Variants in GALNT18 observed in about 807,000 individuals in gnomAD.
GALNT18 encodes the protein polypeptide N-acetylgalactosaminyltransferase 18, also known as GalNAc-transferase 18.
In GALNT18, 44 loss-of-function variants were observed where a neutral mutation model predicts 69.5. The ratio of observed to expected loss-of-function variants is 0.63; its 90% confidence interval spans 0.50 to 0.81. GALNT18 has a LOEUF of 0.81. Among genes scored for constraint, GALNT18 ranks in the 40% least tolerant of loss-of-function variants. The pLI is 0.00. For synonymous variants in GALNT18, 364 were observed against 318.2 expected (o/e 1.14, Z -1.53); for missense variants, 715 against 810.0 (o/e 0.88, Z 1.42).
At chr11:11,495,061 C>T (rs1358568076) in intron 1 of GALNT18, among the ~76,000 whole-genome samples, 1 of 151,670 alleles carries the variant, frequency 6.6e-6, no homozygotes, top group East Asian at 1.9e-4. Flanking sequence ...TCCGAAATTA[C>T]ATCTTAAATA....
chr11:11,446,680 C>T (rs1419250472), intron 2 of GALNT18, among the ~76,000 whole-genome samples: 1 of 152,240 alleles, frequency 6.6e-6, no homozygotes, highest in Non-Finnish European at 1.5e-5. Flanking sequence ...TGCCTCTCAC[C>T]TGGAAGCCTC....
chr11:11,334,459 T>C (rs1590043789), intron 7 of GALNT18, among the ~76,000 whole-genome samples: 2 of 151,074 alleles, frequency 1.3e-5, no homozygotes, highest in Non-Finnish European at 1.5e-5. Flanking sequence ...AGGAGAATGG[T>C]GTGAACCCAG....
rs972839428 is a variant in GALNT18, at chr11:11,345,837, C to A, written c.1093-4833G>T. ...GCAGGTGTGGTCGCAGGGAACAGGG[C>A]ACAGGAAGAAACCACCAAGATGTAG... On this transcript the variant is annotated intron_variant, in intron 6 of 10. Coordinates refer to ENST00000227756, the MANE Select transcript of GALNT18 (RefSeq NM_198516.3). 3.9e-5 allele frequency among the ~76,000 whole-genome samples: 6 copies of A among 152,044 alleles called. No homozygotes were observed. The South Asian group carries it at 1.0e-3, about 26-fold the overall frequency.
chr11:11,416,550 G>A (rs1246815820), intron 3 of GALNT18, among the ~76,000 whole-genome samples: 2 of 152,178 alleles, frequency 1.3e-5, no homozygotes, highest in African/African-American at 2.4e-5. Flanking sequence ...AATTCATCAG[G>A]TGAGGAAAGG....
intron 1 of GALNT18, among the ~76,000 whole-genome samples, chr11:11,557,745 G>A (rs888577187): frequency 2.6e-5 from 4 of 152,080 alleles, no homozygotes; most frequent in Non-Finnish European, 5.9e-5. Flanking sequence ...GAGGTTGCTG[G>A]GATTACAGCC....
Position 11,340,474 on chromosome 11 carries a change from T to C in GALNT18, c.1278+345A>G, listed in dbSNP as rs1237854925. The stretch of plus-strand genomic sequence containing the variant: ...TTTGTAGTTACTGGTATATTTGTAA[T>C]CCAGGACCATGAAACATCTAATGTC... On this transcript the variant is annotated intron_variant, in intron 7 of 10. Transcript: ENST00000227756. The surrounding 1 kb of genome is among the most constrained non-coding windows in gnomAD (Gnocchi z 4.2). 7.2e-5 allele frequency among the ~76,000 whole-genome samples: 11 copies of C among 152,160 alleles called. No individual in the cohort carries two copies. Among genetic ancestry groups the C allele is most frequent in the African/African-American group, 2.7e-4 (11 of 41,416 alleles).
At chr11:11,280,729 T>C (rs1280649279) in intron 10 of GALNT18, among the ~76,000 whole-genome samples, 1 of 152,192 alleles carries the variant, frequency 6.6e-6, no homozygotes, top group East Asian at 1.9e-4. Flanking sequence ...CCAGGGTCAC[T>C]GCCTCACTTA....
In GALNT18 at chr11:11,596,705, A is replaced by G. The variant is rs1171038198; in HGVS notation, c.235+24654T>C. On this transcript the variant is annotated intron_variant, in intron 1 of 10. Transcript: ENST00000227756. This position sits in a 1 kb window ranked among gnomAD's most constrained non-coding sequence, Gnocchi z 4.2. ...CAATTTGTTTTTTTATATTGATCTT[A>G]TATCCTGTAACCTCACTGAACTCAC... is the stretch of plus-strand genomic sequence containing the variant. Among the ~76,000 whole-genome samples the G allele has an allele frequency of 6.6e-6, 1 of 152,146 alleles. No homozygotes were observed. Among genetic ancestry groups the G allele is most frequent in the African/African-American group, 2.4e-5 (1 of 41,436 alleles).
Position 11,614,588 on chromosome 11 carries a change from A to T in GALNT18, c.235+6771T>A, listed in dbSNP as rs1364981967. On this transcript the variant is annotated intron_variant, in intron 1 of 10. Transcript: ENST00000227756. This position sits in a 1 kb window ranked among gnomAD's most constrained non-coding sequence, Gnocchi z 5.6. ...ACAAACATTCAAGCATATCAAGCACATTCAGCTATTCAAGTGAAGTGAGGT... is the reference window on the plus strand; with the variant it reads ...ACAAACATTCAAGCATATCAAGCACTTTCAGCTATTCAAGTGAAGTGAGGT... Among the ~76,000 whole-genome samples, 1 of 152,212 alleles carries T rather than the reference A, an allele frequency of 6.6e-6. No individual in the cohort carries two copies. The highest frequency in any genetic ancestry group is 2.4e-5 in the African/African-American group (1 of 41,460).
chr11:11,380,067 C>T (rs1271608290), intron 3 of GALNT18, among the ~76,000 whole-genome samples: 2 of 152,224 alleles, frequency 1.3e-5, no homozygotes, highest in Non-Finnish European at 2.9e-5. Context: ...AAGCATCCAT[C>T]CCAAGGTGTG....
chr11:11,480,792 G>T lies in GALNT18; in HGVS notation c.236-31856C>A, dbSNP rs1317863548. Among the ~76,000 whole-genome samples, 1 of 152,144 alleles carries T rather than the reference G, an allele frequency of 6.6e-6. No individual in the cohort carries two copies. The highest frequency in any genetic ancestry group is 1.9e-4 in the East Asian group (1 of 5,190). On this transcript the variant is annotated intron_variant, in intron 1 of 10. Transcript: ENST00000227756. The surrounding 1 kb of genome is among the most constrained non-coding windows in gnomAD (Gnocchi z 4.6). ...CCCTAGTTCCGTGCAGAGTTATTAA[G>T]TGCTATGTGATAGAAGGTTCTGTGG...
intron 1 of GALNT18, among the ~76,000 whole-genome samples, chr11:11,608,774 C>G (rs1262605274): frequency 1.3e-5 from 2 of 152,218 alleles, no homozygotes; most frequent in Non-Finnish European, 1.5e-5. Context: ...CCTGCACACT[C>G]TCTTCCACCA....
rs1274123864 is a variant in GALNT18, at chr11:11,465,756, TCTC to T, written c.236-16823_236-16821del. 2.6e-5 allele frequency among the ~76,000 whole-genome samples: 4 copies of T among 152,098 alleles called. 1 individual carries two copies. Among genetic ancestry groups the T allele is most frequent in the Non-Finnish European group, 4.4e-5 (3 of 67,998 alleles). ...GTCAGCTGGCTCCATATTAACCTCT[TCTC>T]CTCTGCCAGGCCCCAGGAGGATGTG... On this transcript the variant is annotated intron_variant, in intron 1 of 10. Coordinates refer to ENST00000227756, the MANE Select transcript of GALNT18 (RefSeq NM_198516.3). This position sits in a 1 kb window ranked among gnomAD's most constrained non-coding sequence, Gnocchi z 5.7.
chr11:11,353,096 C>A, intron 6 of GALNT18: 1 of 1,614,116 alleles, frequency 6.2e-7, no homozygotes. Context: ...AAACTCTGGC[C>A]CTGCTTGGCA....
chr11:11,392,128 C>G (rs1478354651), intron 3 of GALNT18, among the ~76,000 whole-genome samples: 1 of 152,206 alleles, frequency 6.6e-6, no homozygotes, highest in African/African-American at 2.4e-5. Context: ...GAATGTTCCA[C>G]TGGACTGTGA....
At chr11:11,307,497 T>A (rs1849599014) in intron 9 of GALNT18, among the ~76,000 whole-genome samples, 1 of 152,154 alleles carries the variant, frequency 6.6e-6, no homozygotes, top group Non-Finnish European at 1.5e-5. Flanking sequence ...AATTATTGGA[T>A]AGCAACAATT....
intron 4 of GALNT18, among the ~76,000 whole-genome samples, chr11:11,378,114 T>C (rs1020848492): frequency 2.6e-4 from 40 of 152,238 alleles, no homozygotes; most frequent in African/African-American, 9.4e-4. Flanking sequence ...GCTGTTTAAA[T>C]AGTCACAAGT....
rs191649042 is a variant in GALNT18, at chr11:11,461,431, G to A, written c.236-12495C>T. Among the ~76,000 whole-genome samples, 414 of 152,316 alleles carry A rather than the reference G, an allele frequency of 2.7e-3. 1 individual carries two copies. Among genetic ancestry groups the A allele is most frequent in the South Asian group, 5.8e-3 (28 of 4,824 alleles). On this transcript the variant is annotated intron_variant, in intron 1 of 10. Transcript: ENST00000227756. This position sits in a 1 kb window ranked among gnomAD's most constrained non-coding sequence, Gnocchi z 4.1. ...CATGTGAAAAAACTCATTTTAGAGA[G>A]TGACAAATGTCTGTATCTTAGGAAT... is the stretch of plus-strand genomic sequence containing the variant.
rs956287357 is a variant in GALNT18 at position 11,396,914 on chromosome 11, C to T, written c.596-17650G>A. On this transcript the variant is annotated intron_variant, in intron 3 of 10. Coordinates refer to ENST00000227756, the MANE Select transcript of GALNT18 (RefSeq NM_198516.3). This position sits in a 1 kb window ranked among gnomAD's most constrained non-coding sequence, Gnocchi z 5.2. ...TTGCTGAGCTAACAACTTCCTCTCC[C>T]AGTGGCTGGAGAGAATGATGCCATA... is the stretch of plus-strand genomic sequence containing the variant. Among the ~76,000 whole-genome samples the T allele has an allele frequency of 6.6e-5, 10 of 152,042 alleles. No homozygotes were observed. The highest frequency in any genetic ancestry group is 2.1e-4 in the South Asian group (1 of 4,802).
Sources: allele counts gnomAD v4.1 joint callset (sites outside exome capture counted in the v4.1 genomes callset), GRCh38; gene constraint gnomAD v4.1.1; non-coding constraint Gnocchi (gnomAD v3.1); transcripts MANE v1.5; gene names NCBI Gene and HGNC (gene_info 2026-07-23, HGNC 2026-07-21).